CMTM8: variants seen among roughly 807,000 people sequenced by gnomAD.
CMTM8 encodes CKLF like MARVEL transmembrane domain containing 8.
In CMTM8, 12 loss-of-function variants were observed where a neutral mutation model predicts 18.6. The ratio of observed to expected loss-of-function variants is 0.65; its 90% CI spans 0.41 to 1.05. The LOEUF (loss-of-function observed/expected upper bound fraction) is 1.05, where lower values mean the gene tolerates loss of function less well. CMTM8 is among the 50% of genes least tolerant of loss of function. The pLI is 0.00. For synonymous variants in CMTM8, 87 were observed against 90.6 expected (o/e 0.96, Z 0.23); for missense variants, 217 against 227.2 (o/e 0.95, Z 0.29).
At chr3:32,363,558 A>C (rs1696975489) in intron 2 of CMTM8, among the ~76,000 whole-genome samples, 1 of 152,170 alleles carries the variant, frequency 6.6e-6, no homozygotes, top group Non-Finnish European at 1.5e-5. Flanking sequence ...AATAAGAGAG[A>C]AACATAGCAG....
chr3:32,260,205 A>T, intron 1 of CMTM8: 3 of 1,367,098 alleles, frequency 2.2e-6, no homozygotes, highest in Non-Finnish European at 3.1e-6. Flanking sequence ...TCTGAGACCA[A>T]CGACACCAAA....
intron 1 of CMTM8, among the ~76,000 whole-genome samples, chr3:32,285,717 G>A (rs926214112): frequency 6.6e-6 from 1 of 151,974 alleles, no homozygotes; most frequent in African/African-American, 2.4e-5. Flanking sequence ...TAAAAAGCAG[G>A]GCCTTGGCAA....
intron 1 of CMTM8, among the ~76,000 whole-genome samples, chr3:32,300,074 C>T (rs142761710): frequency 4.6e-5 from 7 of 152,250 alleles, no homozygotes; most frequent in South Asian, 2.1e-4. Flanking sequence ...CATACTTTTG[C>T]GTGACACAGC....
chr3:32,245,807 A>G (rs1357647381), intron 1 of CMTM8, among the ~76,000 whole-genome samples: 1 of 152,044 alleles, frequency 6.6e-6, no homozygotes, highest in Admixed American at 6.6e-5. Flanking sequence ...ATTTATTATT[A>G]TTATTACTTT....
rs554763123 is a variant in CMTM8 at position 32,352,100 on chromosome 3, C to A, written c.148-5273C>A. Among the ~76,000 whole-genome samples the A allele has an allele frequency of 2.0e-5, 3 of 149,924 alleles. No homozygotes were observed. In the South Asian group the frequency reaches 6.3e-4, roughly 32 times the overall value. On this transcript the variant is annotated intron_variant, in intron 1 of 3. Coordinates refer to ENST00000307526, the MANE Select transcript of CMTM8 (RefSeq NM_178868.5). ...GGCTGCAGCATGAGAATCGCTTGAA[C>A]CCGGGAGGCGGAGGTTGCAGTGAGC...
At chr3:32,266,194 A>T (rs1171756568) in intron 1 of CMTM8, among the ~76,000 whole-genome samples, 1 of 152,256 alleles carries the variant, frequency 6.6e-6, no homozygotes, top group African/African-American at 2.4e-5. Flanking sequence ...ATATCAATGC[A>T]AAAATCCTCA....
At chr3:32,280,846 C>CAAAAAAA (rs60845487) in intron 1 of CMTM8, among the ~76,000 whole-genome samples, 3 of 68,172 alleles carry the variant, frequency 4.4e-5, no homozygotes, top group Non-Finnish European at 7.9e-5. Flanking sequence ...AGAAAATAGG[C>CAAAAAAA]AAAAAAAAAA....
At chr3:32,277,856 T>C (rs1253014766) in intron 1 of CMTM8, among the ~76,000 whole-genome samples, 1 of 152,212 alleles carries the variant, frequency 6.6e-6, no homozygotes, top group Non-Finnish European at 1.5e-5. Context: ...GCAGTAATCC[T>C]TTGGAGCCAA....
chr3:32,309,553 C>T (rs966214567), intron 1 of CMTM8, among the ~76,000 whole-genome samples: 2 of 152,072 alleles, frequency 1.3e-5, no homozygotes, highest in Admixed American at 1.3e-4. Flanking sequence ...GGTGATGCAC[C>T]TGCCTCGGCT....
intron 1 of CMTM8, among the ~76,000 whole-genome samples, chr3:32,354,064 G>A (rs1055389034): frequency 7.9e-5 from 12 of 151,900 alleles, no homozygotes; most frequent in African/African-American, 2.9e-4. Context: ...ATTTACAGGT[G>A]TGAGCCACCA....
At chr3:32,239,533 T>C (rs553681754) in intron 1 of CMTM8, among the ~76,000 whole-genome samples, 2 of 152,264 alleles carry the variant, frequency 1.3e-5, no homozygotes, top group East Asian at 3.9e-4. Context: ...AGGAAAGGGC[T>C]TCTTTCTTTT....
intron 1 of CMTM8, among the ~76,000 whole-genome samples, chr3:32,304,133 G>A (rs1474438468): frequency 6.6e-6 from 1 of 152,186 alleles, no homozygotes; most frequent in African/African-American, 2.4e-5. Context: ...AGCCCAGGTG[G>A]TGCTGGCATG....
At position 32,358,587 on chromosome 3, in the gene CMTM8, C is replaced by G. The variant is rs1374550956; in HGVS notation, c.321+1041C>G. Among the ~76,000 whole-genome samples the G allele has an allele frequency of 6.6e-6, 1 of 152,186 alleles. No individual in the cohort carries two copies. Among genetic ancestry groups the G allele is most frequent in the East Asian group, 1.9e-4 (1 of 5,198 alleles). ...TTGGCACACTTTCAGACAACACTATCATTGTTCAAAACGCACCTGGCTTTG... is the reference window on the plus strand; with the variant it reads ...TTGGCACACTTTCAGACAACACTATGATTGTTCAAAACGCACCTGGCTTTG... On this transcript the variant is annotated intron_variant, in intron 2 of 3. Coordinates refer to ENST00000307526, the MANE Select transcript of CMTM8 (RefSeq NM_178868.5). This position sits in a 1 kb window ranked among gnomAD's most constrained non-coding sequence, Gnocchi z 4.1.
intron 1 of CMTM8, among the ~76,000 whole-genome samples, chr3:32,310,159 T>G (rs868479235): frequency 1.2e-4 from 18 of 149,952 alleles, no homozygotes; most frequent in Middle Eastern, 3.4e-3. Context: ...AAAATTGTGG[T>G]TTTTTTTTTC....
At chr3:32,259,906 C>A (rs1462855964) in intron 1 of CMTM8, 2 of 1,030,834 alleles carry the variant, frequency 1.9e-6, no homozygotes, top group African/African-American at 1.6e-5. Flanking sequence ...TGGAGAACAG[C>A]CTGAGGGAGG....
intron 1 of CMTM8, chr3:32,259,232 A>G (rs1484804968): frequency 1.7e-6 from 1 of 572,436 alleles, no homozygotes; most frequent in African/African-American, 1.9e-5. Context: ...CTGGCCTCCT[A>G]CCTGGACAAA....
At chr3:32,268,467 A>C (rs879792456) in intron 1 of CMTM8, among the ~76,000 whole-genome samples, 1 of 152,148 alleles carries the variant, frequency 6.6e-6, no homozygotes. Flanking sequence ...GCAGGGAGGG[A>C]TAGCATTAGG....
chr3:32,261,169 CAAA>C (rs57748918), intron 1 of CMTM8, among the ~76,000 whole-genome samples: 9 of 128,390 alleles, frequency 7.0e-5, no homozygotes, highest in Non-Finnish European at 8.2e-5. Context: ...GTGTCCATCT[CAAA>C]AAAAAAAAAA....
intron 1 of CMTM8, among the ~76,000 whole-genome samples, chr3:32,245,668 A>G (rs1376881742): frequency 6.6e-6 from 1 of 152,224 alleles, no homozygotes; most frequent in Non-Finnish European, 1.5e-5. Flanking sequence ...TAGTTGGGGA[A>G]GGATAAATAG....
Sources: allele counts gnomAD v4.1 joint callset (sites outside exome capture counted in the v4.1 genomes callset), GRCh38; gene constraint gnomAD v4.1.1; non-coding constraint Gnocchi (gnomAD v3.1); transcripts MANE v1.5; gene names NCBI Gene and HGNC (gene_info 2026-07-23, HGNC 2026-07-21).